Variants in NCF2 observed in about 807,000 individuals in gnomAD.
NCF2 encodes neutrophil cytosol factor 2.
Under a neutral mutation model 70.9 loss-of-function variants are expected in NCF2, and 45 were observed. The observed-to-expected ratio is 0.63, with a 90% CI of 0.50 to 0.81. The LOEUF (loss-of-function observed/expected upper bound fraction) is 0.81, where lower values mean the gene tolerates loss of function less well. NCF2 is among the 40% of genes least tolerant of loss of function. The probability of loss-of-function intolerance (pLI) is 0.00; values close to 1 mark genes in which losing one functional copy is unlikely to be tolerated. For missense variants in NCF2, 522 were observed against 631.6 expected, an observed-to-expected ratio of 0.83 and a Z score of 1.86; for synonymous variants, 203 against 233.6, an observed-to-expected ratio of 0.87 and a Z score of 1.19.
At chr1:183,586,780 T>A (rs1314082053) in intron 2 of NCF2, 115 bp downstream of exon 2, 4 of 951,830 alleles carry the variant, frequency 4.2e-6, no homozygotes, top group Non-Finnish European at 6.9e-6. Flanking sequence ...GAAGGGCCAG[T>A]CACATTTCCC....
chr1:183,593,881 C>T (rs975177508), upstream of NCF2, among the ~76,000 whole-genome samples: 5 of 152,130 alleles, frequency 3.3e-5, no homozygotes, highest in African/African-American at 4.8e-5. Context: ...GAGGGAAAGT[C>T]TGCTAAGAAT....
At chr1:183,567,567 A>C in intron 7 of NCF2, 1 of 680,560 alleles carries the variant, frequency 1.5e-6, no homozygotes, top group Non-Finnish European at 2.7e-6. Context: ...GGCAAGAATA[A>C]AGCAAAAACC....
At chr1:183,600,388 C>T in the NCF2 span, among the ~76,000 whole-genome samples, 1 of 152,360 alleles carries the variant, frequency 6.6e-6, no homozygotes, top group Admixed American at 6.5e-5. Flanking sequence ...CTTGACTCAA[C>T]AACCTGCCCT....
intron 3 of NCF2, among the ~76,000 whole-genome samples, chr1:183,575,719 C>T (rs563751793): frequency 9.2e-5 from 14 of 152,294 alleles, no homozygotes; most frequent in Admixed American, 3.9e-4. Flanking sequence ...CGCCAGCTGC[C>T]ATGTCATGAC....
At position 183,570,820 on chromosome 1, in the gene NCF2, T is replaced by A. The variant is rs768602664; in HGVS notation, c.629A>T (p.Asp210Val). 1 of 1,614,180 alleles carries A rather than the reference T, an allele frequency of 6.2e-7. No individual in the cohort carries two copies. The highest frequency in any genetic ancestry group is 1.1e-5 in the South Asian group (1 of 91,086). ...GKATVVASVV[D>V]QDSFSGFAPL... ...GGCAAACCCAGAGAAACTGTCTTGATCCACCACAGATGCCACGACCTAAAA... is the reference window on the plus strand; with the variant it reads ...GGCAAACCCAGAGAAACTGTCTTGAACCACCACAGATGCCACGACCTAAAA... The change falls in exon 6 of 15, where the codon GAT becomes GTT. Residue 210 changes from aspartate to valine, a missense_variant. Asp to Val is a radical substitution (Grantham distance 152, BLOSUM62 -3). Transcript: ENST00000367535.
At chr1:183,598,899 A>C in the NCF2 span, among the ~76,000 whole-genome samples, 1 of 152,276 alleles carries the variant, frequency 6.6e-6, no homozygotes, top group African/African-American at 2.4e-5. Flanking sequence ...TCAGGAAGCC[A>C]GGATGTATGG....
upstream of NCF2, among the ~76,000 whole-genome samples, chr1:183,595,372 G>C (rs2102946289): frequency 6.6e-6 from 1 of 152,350 alleles, no homozygotes; most frequent in African/African-American, 2.4e-5. Flanking sequence ...AGGCAAGTTA[G>C]TCCTGTCTAA....
At chr1:183,601,201 G>A in the NCF2 span, among the ~76,000 whole-genome samples, 3 of 151,990 alleles carry the variant, frequency 2.0e-5, no homozygotes, top group African/African-American at 4.8e-5. Context: ...CCTCTTCTAC[G>A]CACATATCAT....
chr1:183,572,872 A>T (rs1014276384), intron 5 of NCF2, among the ~76,000 whole-genome samples: 12 of 152,074 alleles, frequency 7.9e-5, no homozygotes, highest in South Asian at 2.1e-4. Flanking sequence ...CCCTCTCTTC[A>T]CATTTAGTGA....
chr1:183,579,938 A>C (rs2102917864), intron 2 of NCF2, among the ~76,000 whole-genome samples: 1 of 152,212 alleles, frequency 6.6e-6, no homozygotes, highest in South Asian at 2.1e-4. Flanking sequence ...TCAGCCACTT[A>C]TTACGTGTTT....
chr1:183,556,099 T>C lies in NCF2; in HGVS notation c.*19A>G. On this transcript the variant is annotated 3_prime_UTR_variant, in exon 15 of 15. Transcript: ENST00000367535. ...TAATAGGGCTTCATTTTCTTCAGCT[T>C]TGTAGTTTGTGAAACATCCTAGACT... 3 of 1,595,142 alleles carry C rather than the reference T, an allele frequency of 1.9e-6. No homozygotes were observed. Among genetic ancestry groups the C allele is most frequent in the Non-Finnish European group, 2.6e-6 (3 of 1,162,708 alleles).
At position 183,586,977 on chromosome 1, in the gene NCF2, C is replaced by G. The variant is rs545984071; in HGVS notation, c.175G>C (p.Ala59Pro). ...TCTCGGTTAATGCTTCTGGTAAAGG[C>G]CTGAGGAGAGAAGGGTCCAGACATG... ...ILKNMTEAEK[A>P]FTRSINRDKH... The change falls in exon 2 of 15, where the codon GCC becomes CCC. Residue 59 changes from alanine to proline, a missense_variant and splice_region_variant. Coordinates refer to ENST00000367535, the MANE Select transcript of NCF2 (RefSeq NM_000433.4). 1 of 1,613,732 alleles carries G rather than the reference C, an allele frequency of 6.2e-7. No individual in the cohort carries two copies. The highest frequency in any genetic ancestry group is 1.3e-5 in the African/African-American group (1 of 75,016).
In NCF2 at chr1:183,586,644, C is replaced by T. The variant is rs11578964; in HGVS notation, c.257+251G>A. Among the ~76,000 whole-genome samples the T allele has an allele frequency of 0.35, 53,245 of 151,940 alleles. 9,925 individuals carry two copies. The highest frequency in any genetic ancestry group is 0.42 in the Middle Eastern group (124 of 292). On this transcript the variant is annotated intron_variant, in intron 2 of 14. Coordinates refer to ENST00000367535, the MANE Select transcript of NCF2 (RefSeq NM_000433.4). ...GTGTCACACCAGCTGAGTATCAGGC[C>T]CATGGTGGTTACCTAGGCTCATTGT...
intron 1 of NCF2, among the ~76,000 whole-genome samples, chr1:183,589,546 A>T (rs1673541187): frequency 6.6e-6 from 1 of 152,244 alleles, no homozygotes; most frequent in Non-Finnish European, 1.5e-5. Flanking sequence ...TTTGAGTGAG[A>T]AAACATAACG....
intron 2 of NCF2, among the ~76,000 whole-genome samples, chr1:183,584,684 CG>C (rs1673258564): frequency 1.3e-5 from 2 of 152,038 alleles, no homozygotes; most frequent in South Asian, 4.1e-4. Context: ...GATTTAAGAT[CG>C]GCTGAAGGAT....
upstream of NCF2, among the ~76,000 whole-genome samples, chr1:183,592,346 C>T (rs1008227465): frequency 8.5e-5 from 13 of 152,198 alleles, 1 homozygote; most frequent in Admixed American, 7.9e-4. Flanking sequence ...TTTCAAAGCC[C>T]AGTTTAAATG....
At chr1:183,567,031 T>A in intron 8 of NCF2, 43 bp from the exon 9 acceptor site, 1 of 1,613,134 alleles carries the variant, frequency 6.2e-7, no homozygotes, top group Non-Finnish European at 8.5e-7. Context: ...AAAATAAAGA[T>A]GTGCTCATCA....
In NCF2 at chr1:183,571,501, A is replaced by G. The variant is rs186233916; in HGVS notation, c.610-662T>C. ...CAACTACTGCCTCTCTCTAATTCCA[A>G]AATATTTTCATCACCTCAGAAGAAA... On this transcript the variant is annotated intron_variant, in intron 5 of 14. Transcript: ENST00000367535. Among the ~76,000 whole-genome samples the G allele has an allele frequency of 4.6e-5, 7 of 152,268 alleles. 1 individual carries two copies. In the South Asian group the frequency reaches 6.2e-4, roughly 14 times the overall value.
At chr1:183,599,456 T>TTCTTTCTTTCTTTCTTTCTTTCTTTC in the NCF2 span, among the ~76,000 whole-genome samples, 2 of 137,480 alleles carry the variant, frequency 1.5e-5, no homozygotes, top group African/African-American at 5.7e-5. Context: ...CTTTCTTTCT[T>TTCTTTCTTTCTTTCTTTCTTTCTTTC]TCTTTCTTTC....
Sources: allele counts gnomAD v4.1 joint callset (sites outside exome capture counted in the v4.1 genomes callset), GRCh38; gene constraint gnomAD v4.1.1; transcripts MANE v1.5; gene names NCBI Gene and HGNC (gene_info 2026-07-23, HGNC 2026-07-21).